The following PARD3 variants were observed in gnomAD, a reference collection of about 807,000 sequenced individuals.
PARD3 encodes par-3 family cell polarity regulator, also known as partitioning defective 3 homolog.
A neutral mutation model predicts 155.4 loss-of-function variants in PARD3; 75 were observed. The ratio of observed to expected loss-of-function variants is 0.48; its 90% CI spans 0.40 to 0.58. The LOEUF is 0.58. PARD3 is among the 20% of genes least tolerant of loss of function. The pLI, the probability that PARD3 is intolerant of heterozygous loss-of-function variation, is 0.00. For missense variants in PARD3, 1,642 were observed against 1,721.7 expected (o/e 0.95, Z 0.82); for synonymous variants, 576 against 610.5 (o/e 0.94, Z 0.83).
At chr10:34,273,546 T>G (rs1401672566) in intron 21 of PARD3, among the ~76,000 whole-genome samples, 1 of 152,206 alleles carries the variant, frequency 6.6e-6, no homozygotes, top group Non-Finnish European at 1.5e-5. Context: ...GTGGCTACAC[T>G]AATGTGCACA....
intron 22 of PARD3, among the ~76,000 whole-genome samples, chr10:34,239,604 C>A (rs1268944965): frequency 6.6e-6 from 1 of 151,950 alleles, no homozygotes; most frequent in Non-Finnish European, 1.5e-5. Flanking sequence ...GAGTTTGAGA[C>A]CAGCCTGACC....
At chr10:34,651,011 C>CCAAAAAAAAAAAAAAAAA (rs1404556380) in intron 2 of PARD3, among the ~76,000 whole-genome samples, 1 of 44,520 alleles carries the variant, frequency 2.2e-5, no homozygotes, top group Non-Finnish European at 4.0e-5. Flanking sequence ...AACTCTGTCT[C>CCAAAAAAAAAAAAAAAAA]AAAAAAAAAA....
rs57624254 is a variant in PARD3 at position 34,166,198 on chromosome 10, G to T, written c.3420-34615C>A. Among the ~76,000 whole-genome samples, 652 of 152,268 alleles carry T rather than the reference G, an allele frequency of 4.3e-3. 4 individuals are homozygous for T. The highest frequency in any genetic ancestry group is 0.014 in the African/African-American group (590 of 41,560). On this transcript the variant is annotated intron_variant, in intron 22 of 24. Coordinates refer to ENST00000374788, the MANE Select transcript of PARD3 (RefSeq NM_001184785.2). ...TAAATTTAGCAATAGAGCTTGGTGT[G>T]TTCCAAAGCATGGACTATGCTTTCT...
chr10:34,362,745 T>G (rs563442054), intron 12 of PARD3, among the ~76,000 whole-genome samples: 1 of 152,232 alleles, frequency 6.6e-6, no homozygotes, highest in East Asian at 1.9e-4. Flanking sequence ...TCCACGCACT[T>G]TGGCTTCCCA....
At chr10:34,703,911 T>C (rs1203575413) in intron 1 of PARD3, among the ~76,000 whole-genome samples, 32 of 152,196 alleles carry the variant, frequency 2.1e-4, no homozygotes, top group Admixed American at 2.1e-3. Context: ...AAAAAAGACC[T>C]TTTTTAGAAA....
At chr10:34,262,410 G>A (rs1955073754) in intron 22 of PARD3, among the ~76,000 whole-genome samples, 1 of 152,092 alleles carries the variant, frequency 6.6e-6, no homozygotes. Context: ...GGGACTATAG[G>A]TGTGTGACCA....
chr10:34,428,781 A>G (rs957594053), intron 5 of PARD3, among the ~76,000 whole-genome samples: 9 of 152,198 alleles, frequency 5.9e-5, no homozygotes, highest in African/African-American at 1.7e-4. Context: ...CCTACATTAT[A>G]AACTAAAGGA....
chr10:34,651,561 G>GA (rs1411707553), intron 2 of PARD3, among the ~76,000 whole-genome samples: 1 of 152,226 alleles, frequency 6.6e-6, no homozygotes, highest in African/African-American at 2.4e-5. Flanking sequence ...CGCAGTCCCT[G>GA]AAGAGGGGCT....
chr10:34,355,924 CAAAAAAAAAAAA>C (rs869284165), intron 14 of PARD3, among the ~76,000 whole-genome samples: 2 of 42,726 alleles, frequency 4.7e-5, no homozygotes, highest in African/African-American at 1.7e-4. Flanking sequence ...CACTCCGTCT[CAAAAAAAAAAAA>C]AAAAAAAAAA....
At chr10:34,761,185 CA>C (rs1463934413) in intron 1 of PARD3, among the ~76,000 whole-genome samples, 1 of 151,764 alleles carries the variant, frequency 6.6e-6, no homozygotes, top group Non-Finnish European at 1.5e-5. Context: ...CTGAGGCAGG[CA>C]AATCACTTGA....
chr10:34,273,279 G>A (rs959695577), intron 21 of PARD3, among the ~76,000 whole-genome samples: 4 of 152,116 alleles, frequency 2.6e-5, no homozygotes, highest in Admixed American at 1.3e-4. Context: ...AAACTGGGGT[G>A]TGTCCATATC....
intron 22 of PARD3, among the ~76,000 whole-genome samples, chr10:34,144,172 G>C (rs1948342377): frequency 6.6e-6 from 1 of 152,064 alleles, no homozygotes. Flanking sequence ...TTGTGAAAGG[G>C]CTTGCAACAT....
At chr10:34,553,724 G>A (rs540297118) in intron 2 of PARD3, among the ~76,000 whole-genome samples, 1 of 152,228 alleles carries the variant, frequency 6.6e-6, no homozygotes, top group African/African-American at 2.4e-5. Flanking sequence ...GAATGGTTTG[G>A]GTTTTTATTT....
chr10:34,772,766 C>T (rs548941343), intron 1 of PARD3, among the ~76,000 whole-genome samples: 109 of 144,518 alleles, frequency 7.5e-4, no homozygotes, highest in African/African-American at 2.7e-3. Context: ...TGCACTCCAG[C>T]CTGGGTGACA....
intron 22 of PARD3, among the ~76,000 whole-genome samples, chr10:34,219,154 T>C (rs994316299): frequency 2.6e-5 from 4 of 152,318 alleles, no homozygotes; most frequent in African/African-American, 9.6e-5. Flanking sequence ...AAAAATCTAG[T>C]AACCCATTTT....
At chr10:34,768,098 C>T (rs1838351846) in intron 1 of PARD3, among the ~76,000 whole-genome samples, 2 of 152,108 alleles carry the variant, frequency 1.3e-5, no homozygotes, top group South Asian at 2.1e-4. Context: ...GACTTCAGTG[C>T]TCTAAGGATA....
intron 22 of PARD3, among the ~76,000 whole-genome samples, chr10:34,146,863 C>T (rs1387889618): frequency 1.3e-5 from 2 of 152,176 alleles, no homozygotes; most frequent in African/African-American, 4.8e-5. Flanking sequence ...TCCAGCACAT[C>T]CCCACCAGTA....
At chr10:34,122,229 C>T (rs1588843746) in intron 23 of PARD3, among the ~76,000 whole-genome samples, 1 of 152,176 alleles carries the variant, frequency 6.6e-6, no homozygotes, top group African/African-American at 2.4e-5. Context: ...TCGTGCTGTT[C>T]TGTGACAAGC....
At chr10:34,520,678 T>C (rs906473381) in intron 2 of PARD3, among the ~76,000 whole-genome samples, 24 of 152,164 alleles carry the variant, frequency 1.6e-4, no homozygotes, top group African/African-American at 1.9e-4. Flanking sequence ...AGAGCACCCA[T>C]AGACAATACA....
Sources: gnomAD v4.1 joint callset for allele counts (sites outside exome capture counted in the v4.1 genomes callset) on GRCh38, gnomAD v4.1.1 for gene constraint, MANE v1.5 for transcripts, NCBI Gene and HGNC (gene_info 2026-07-23, HGNC 2026-07-21) for gene names.